ROR1: variants seen among roughly 807,000 people sequenced by gnomAD.
ROR1 encodes inactive tyrosine-protein kinase transmembrane receptor ROR1.
Under a neutral mutation model 78.8 loss-of-function variants are expected in ROR1, and 19 were observed. The observed-to-expected ratio is 0.24, with a 90% confidence interval of 0.17 to 0.35. The LOEUF is 0.35. Ranked by LOEUF, ROR1 falls within the 10% of genes least tolerant of loss-of-function variation. ROR1 has a pLI of 1.00. For missense variants in ROR1, 917 were observed against 1,177.8 expected, an observed-to-expected ratio of 0.78 and a Z score of 3.24; for synonymous variants, 386 against 433.6, an observed-to-expected ratio of 0.89 and a Z score of 1.36.
rs373630945 is a variant in ROR1 at position 64,059,672 on chromosome 1, A to G, written c.482+8956A>G. Reference sequence around the variant, plus strand: ...TGCAGTGAACCGAGATCATTCCACTACATTCCAGCCTGGGTGACACAGCGA... The same window carrying G: ...TGCAGTGAACCGAGATCATTCCACTGCATTCCAGCCTGGGTGACACAGCGA... On this transcript the variant is annotated intron_variant, in intron 4 of 8. Coordinates refer to ENST00000371079, the MANE Select transcript of ROR1 (RefSeq NM_005012.4). Among the ~76,000 whole-genome samples the G allele has an allele frequency of 1.1e-3, 158 of 150,068 alleles. 1 individual carries two copies. The highest frequency in any genetic ancestry group is 3.6e-3 in the African/African-American group (145 of 40,766).
chr1:64,109,071 A>T (rs1367591717), intron 4 of ROR1, among the ~76,000 whole-genome samples: 1 of 152,110 alleles, frequency 6.6e-6, no homozygotes. Flanking sequence ...CTTCTGATAC[A>T]AACCCCCGGC....
chr1:63,842,685 T>C (rs1314879203), intron 1 of ROR1, among the ~76,000 whole-genome samples: 1 of 152,032 alleles, frequency 6.6e-6, no homozygotes, highest in Non-Finnish European at 1.5e-5. Flanking sequence ...GCTCCTTCTT[T>C]TTTTTTTTAA....
At chr1:63,941,123 C>T (rs932378282) in intron 1 of ROR1, among the ~76,000 whole-genome samples, 1 of 152,104 alleles carries the variant, frequency 6.6e-6, no homozygotes, top group Non-Finnish European at 1.5e-5. Flanking sequence ...CAATGGGTAA[C>T]CCTGGACTGG....
intron 1 of ROR1, among the ~76,000 whole-genome samples, chr1:63,804,031 T>G (rs1644812337): frequency 6.6e-6 from 1 of 152,152 alleles, no homozygotes; most frequent in East Asian, 1.9e-4. Flanking sequence ...TGCTGAGTAA[T>G]CTCTAAAGGT....
At chr1:64,052,587 G>A (rs533170717) in intron 4 of ROR1, among the ~76,000 whole-genome samples, 4 of 152,240 alleles carry the variant, frequency 2.6e-5, no homozygotes, top group East Asian at 1.9e-4. Context: ...GTTGTGAACC[G>A]ATATCTATGG....
Position 63,795,476 on chromosome 1 carries a change from A to G in ROR1, c.91+20968A>G, listed in dbSNP as rs77506122. On this transcript the variant is annotated intron_variant, in intron 1 of 8. Coordinates refer to ENST00000371079, the MANE Select transcript of ROR1 (RefSeq NM_005012.4). ...CGAAACCTTGAAAACTTGTGACTCT[A>G]GGTGCTGGATCTGACACTGGGTCAG... is the stretch of plus-strand genomic sequence containing the variant. Among the ~76,000 whole-genome samples the G allele has an allele frequency of 8.5e-3, 1,296 of 152,240 alleles. 14 individuals are homozygous for G. Among genetic ancestry groups the G allele is most frequent in the African/African-American group, 0.03 (1,241 of 41,540 alleles).
chr1:63,883,438 CCT>C (rs1385450883), intron 1 of ROR1, among the ~76,000 whole-genome samples: 4 of 152,028 alleles, frequency 2.6e-5, no homozygotes, highest in African/African-American at 9.7e-5. Flanking sequence ...ACATCTCCTT[CCT>C]CTGTTTTCTG....
intron 1 of ROR1, among the ~76,000 whole-genome samples, chr1:63,974,794 C>T (rs1646145568): frequency 6.6e-6 from 1 of 152,106 alleles, no homozygotes; most frequent in Non-Finnish European, 1.5e-5. Flanking sequence ...TGCACACCAT[C>T]ACCACCGGCT....
intron 1 of ROR1, among the ~76,000 whole-genome samples, chr1:64,005,016 T>C (rs778196977): frequency 6.6e-6 from 1 of 152,234 alleles, no homozygotes; most frequent in Non-Finnish European, 1.5e-5. Flanking sequence ...AAAACACTTA[T>C]GTTCTTAGAG....
intron 4 of ROR1, among the ~76,000 whole-genome samples, chr1:64,127,809 C>T (rs558216791): frequency 2.2e-4 from 33 of 152,254 alleles, no homozygotes; most frequent in Admixed American, 1.9e-3. Flanking sequence ...ACCAAATTAG[C>T]TGAGATGCTC....
At chr1:64,009,916 A>G (rs1402108315) in intron 2 of ROR1, among the ~76,000 whole-genome samples, 1 of 152,154 alleles carries the variant, frequency 6.6e-6, no homozygotes, top group Non-Finnish European at 1.5e-5. Context: ...AGCATTGGGT[A>G]TTTTATAAAG....
chr1:63,812,911 G>A (rs1644869086), intron 1 of ROR1, among the ~76,000 whole-genome samples: 1 of 152,122 alleles, frequency 6.6e-6, no homozygotes, highest in Non-Finnish European at 1.5e-5. Flanking sequence ...GTAAGGCATT[G>A]AGCACAGGGT....
intron 2 of ROR1, among the ~76,000 whole-genome samples, chr1:64,031,221 A>G (rs1193852047): frequency 6.6e-6 from 1 of 152,222 alleles, no homozygotes; most frequent in Non-Finnish European, 1.5e-5. Context: ...GGAAATATCC[A>G]TACTAACAAA....
rs548138641 is a variant in ROR1, at chr1:63,826,112, G to T, written c.91+51604G>T. The stretch of plus-strand genomic sequence containing the variant: ...TTTATTTTTATTTTTTAGCTTTTAA[G>T]TTCAGGGGTACATGCACAGGTTTGT... On this transcript the variant is annotated intron_variant, in intron 1 of 8. Coordinates refer to ENST00000371079, the MANE Select transcript of ROR1 (RefSeq NM_005012.4). Among the ~76,000 whole-genome samples the T allele has an allele frequency of 4.6e-5, 7 of 152,258 alleles. No individual in the cohort carries two copies. The East Asian group carries it at 1.2e-3, about 25-fold the overall frequency.
At chr1:63,930,253 T>C (rs1645740832) in intron 1 of ROR1, among the ~76,000 whole-genome samples, 2 of 152,154 alleles carry the variant, frequency 1.3e-5, no homozygotes, top group South Asian at 4.1e-4. Flanking sequence ...GTGAACTGAC[T>C]AAAGTCATTA....
chr1:64,049,679 CTG>C lies in ROR1; in HGVS notation c.164-9_164-8del, dbSNP rs747570825. 1.6e-5 allele frequency: 25 copies of C among 1,609,934 alleles called. No individual in the cohort carries two copies. The highest frequency in any genetic ancestry group is 2.1e-5 in the Non-Finnish European group (25 of 1,177,386). Reference sequence around the variant, plus strand: ...TCTGCCCCTCTCACCTGCCTCCTCTCTGTGCTCACAGATTCTTACCTGACCCT... The same window carrying C: ...TCTGCCCCTCTCACCTGCCTCCTCTCTGCTCACAGATTCTTACCTGACCCT... On this transcript the variant is annotated splice_polypyrimidine_tract_variant and intron_variant, in intron 2 of 8. Coordinates refer to ENST00000371079, the MANE Select transcript of ROR1 (RefSeq NM_005012.4).
Position 63,777,337 on chromosome 1 carries a change from C to T in ROR1, c.91+2829C>T, listed in dbSNP as rs535048210. The stretch of plus-strand genomic sequence containing the variant: ...GTCTGTACTTTTAGAATAGAAGTGT[C>T]TTGAAGGCAATAAGACTGTGAGCTT... On this transcript the variant is annotated intron_variant, in intron 1 of 8. Transcript: ENST00000371079. 2.6e-3 allele frequency among the ~76,000 whole-genome samples: 399 copies of T among 152,242 alleles called. 3 individuals are homozygous for T. The highest frequency in any genetic ancestry group is 3.8e-3 in the Non-Finnish European group (258 of 68,016).
At chr1:63,849,374 GT>G (rs1425755989) in intron 1 of ROR1, among the ~76,000 whole-genome samples, 1 of 152,158 alleles carries the variant, frequency 6.6e-6, no homozygotes, top group Non-Finnish European at 1.5e-5. Context: ...ATGCAGAGGA[GT>G]TTGTGATGGC....
chr1:63,994,731 C>T (rs549925858), intron 1 of ROR1, among the ~76,000 whole-genome samples: 2 of 152,312 alleles, frequency 1.3e-5, no homozygotes, highest in South Asian at 2.1e-4. Context: ...CAAATACCTC[C>T]GTCATCCCTG....
Sources: gnomAD v4.1 joint callset for allele counts (sites outside exome capture counted in the v4.1 genomes callset) on GRCh38, gnomAD v4.1.1 for gene constraint, MANE v1.5 for transcripts, NCBI Gene and HGNC (gene_info 2026-07-23, HGNC 2026-07-21) for gene names.